The following EDNRB variants were observed in gnomAD, a reference collection of about 807,000 sequenced individuals.
The protein encoded by EDNRB is endothelin receptor type B.
EDNRB carries 18 observed loss-of-function variants against 46.4 expected under a neutral mutation model. The observed-to-expected ratio is 0.39, with a 90% CI of 0.27 to 0.57. The LOEUF (loss-of-function observed/expected upper bound fraction) is 0.57, where lower values mean the gene tolerates loss of function less well. EDNRB is among the 20% of genes least tolerant of loss of function. The pLI, the probability that EDNRB is intolerant of heterozygous loss-of-function variation, is 0.61. For synonymous variants in EDNRB, 213 were observed against 204.9 expected (o/e 1.04, Z -0.34); for missense variants, 434 against 537.5 (o/e 0.81, Z 1.90).
intron 1 of EDNRB, 52 bp from the exon 2 acceptor site, chr13:77,903,659 T>C (rs1424879916): frequency 1.4e-6 from 2 of 1,466,024 alleles, no homozygotes; most frequent in Non-Finnish European, 9.6e-7. Context: ...AGATGCCCTC[T>C]GAATTGTATC....
intron 3 of EDNRB, among the ~76,000 whole-genome samples, chr13:77,901,723 T>C (rs1878996763): frequency 6.6e-6 from 1 of 152,006 alleles, no homozygotes; most frequent in African/African-American, 2.4e-5. Context: ...TCGTATCTCT[T>C]ATTCTTTTTC....
At chr13:77,950,566 G>C (rs1450662856) in intron 1 of EDNRB, among the ~76,000 whole-genome samples, 1 of 152,200 alleles carries the variant, frequency 6.6e-6, no homozygotes. Context: ...CACCTAGTAT[G>C]TCTAGCTCTT....
At chr13:77,940,342 T>C (rs1478004119) in intron 1 of EDNRB, among the ~76,000 whole-genome samples, 1 of 149,706 alleles carries the variant, frequency 6.7e-6, no homozygotes, top group Non-Finnish European at 1.5e-5. Flanking sequence ...TTTTTTTTCA[T>C]AGAGAAGGTG....
intron 3 of EDNRB, 75 bp downstream of exon 3, chr13:77,903,081 G>T: frequency 6.8e-7 from 1 of 1,477,260 alleles, no homozygotes; most frequent in Non-Finnish European, 9.4e-7. Context: ...TTCCCAAGGA[G>T]TGGGGAACAG....
chr13:77,932,174 C>T (rs776732189), intron 1 of EDNRB, among the ~76,000 whole-genome samples: 1 of 152,068 alleles, frequency 6.6e-6, no homozygotes, highest in African/African-American at 2.4e-5. Context: ...TGAAAGAGGG[C>T]ACACATATGA....
chr13:77,954,876 C>T (rs1423608668), intron 1 of EDNRB, among the ~76,000 whole-genome samples: 1 of 152,090 alleles, frequency 6.6e-6, no homozygotes, highest in Non-Finnish European at 1.5e-5. Context: ...TTGTAATGGA[C>T]ATATTTGTTG....
chr13:77,899,476 G>C (rs1878821327), intron 6 of EDNRB: 1 of 198,510 alleles, frequency 5.0e-6, no homozygotes, highest in South Asian at 8.5e-5. Flanking sequence ...AACTAATTTA[G>C]TTATAATAAT....
At chr13:77,946,803 C>T (rs146050511) in intron 1 of EDNRB, among the ~76,000 whole-genome samples, 1 of 152,314 alleles carries the variant, frequency 6.6e-6, no homozygotes, top group Admixed American at 6.5e-5. Context: ...ACAGTTTGTA[C>T]TCCCACCCTC....
rs143714946 is a variant in EDNRB at position 77,944,823 on chromosome 13, G to A, written c.-51-26199C>T. ...AGTTTACCTGCATGTTAGAGGATTA[G>A]TGCTTGCATGTTGAGTAGGAGCCAA... On this transcript the variant is annotated intron_variant, in intron 1 of 7. Transcript: ENST00000646948. 14 of 152,292 alleles carry A rather than the reference G, an allele frequency of 9.2e-5. No homozygotes were observed. The East Asian group carries it at 2.5e-3, about 27-fold the overall frequency. 9.4% of individuals were successfully genotyped at this position (152,292 alleles called of 1,614,324 possible). A position where few individuals can be genotyped will look rare whatever the true frequency, so the allele number is the denominator to read the frequency against.
intron 1 of EDNRB, chr13:77,939,996 A>AAATAAAT (rs1566328709): frequency 1.4e-5 from 2 of 144,442 alleles, no homozygotes; most frequent in Non-Finnish European, 3.1e-5. Context: ...CTCTGTCTCT[A>AAATAAAT]AATAAATAAA....
chr13:77,960,661 T>C (rs1226538104), intron 1 of EDNRB, among the ~76,000 whole-genome samples: 1 of 152,110 alleles, frequency 6.6e-6, no homozygotes, highest in African/African-American at 2.4e-5. Context: ...ATCATCATAA[T>C]TGGCAGGATC....
Position 77,903,306 on chromosome 13 carries a change from C to A in EDNRB, c.651G>T (p.Trp217Cys). ...AAATCAAAACAATTTCTACTGCTGT[C>A]CATTTTGGAACCCCAATTCCTTTAA... ...SRIKGIGVPK[W>C]TAVEIVLIWV... Residue 217 changes from tryptophan (W) to cysteine (C), a missense_variant, in exon 3 of 7, where the codon TGG (tryptophan) becomes TGT (cysteine). Transcript: ENST00000646607. The A allele has an allele frequency of 6.2e-7, 1 of 1,612,862 alleles. No individual in the cohort carries two copies. The highest frequency in any genetic ancestry group is 8.5e-7 in the Non-Finnish European group (1 of 1,179,336).
In EDNRB at chr13:77,949,976, A is replaced by C. The variant is rs118165950; in HGVS notation, c.-52+25371T>G. On this transcript the variant is annotated intron_variant, in intron 1 of 7. Transcript: ENST00000646948. ...TGTCCCTTTGATAGTTCTACTCTGGATCTTGATCTGGAACTGCTATACCTC... is the reference window on the plus strand; with the variant it reads ...TGTCCCTTTGATAGTTCTACTCTGGCTCTTGATCTGGAACTGCTATACCTC... Among the ~76,000 whole-genome samples, 12 of 152,184 alleles carry C rather than the reference A, an allele frequency of 7.9e-5. No homozygotes were observed. The East Asian group carries it at 2.3e-3, about 29-fold the overall frequency.
intron 1 of EDNRB, among the ~76,000 whole-genome samples, chr13:77,925,935 C>G (rs1236323247): frequency 6.6e-6 from 1 of 152,248 alleles, no homozygotes; most frequent in South Asian, 2.1e-4. Flanking sequence ...ACCATGGGAA[C>G]CCACCTCTTG....
intron 1 of EDNRB, among the ~76,000 whole-genome samples, chr13:77,927,172 A>C (rs1880261959): frequency 6.6e-6 from 1 of 152,154 alleles, no homozygotes; most frequent in South Asian, 2.1e-4. Context: ...GTTGTTGTTG[A>C]TTACCTAGTT....
intron 4 of EDNRB, 52 bp from the exon 5 acceptor site, chr13:77,900,706 G>A (rs1026731943): frequency 1.2e-6 from 2 of 1,609,410 alleles, no homozygotes; most frequent in Non-Finnish European, 8.5e-7. Flanking sequence ...TTTACTCATA[G>A]CATTCTATCT....
intron 1 of EDNRB, among the ~76,000 whole-genome samples, chr13:77,973,461 C>T (rs1881796184): frequency 6.6e-6 from 1 of 151,978 alleles, no homozygotes; most frequent in African/African-American, 2.4e-5. Context: ...ACCTGTTATG[C>T]TTTTATTTTA....
At chr13:77,952,536 A>C (rs2137675600) in intron 1 of EDNRB, among the ~76,000 whole-genome samples, 1 of 152,274 alleles carries the variant, frequency 6.6e-6, no homozygotes, top group East Asian at 1.9e-4. Context: ...CCTCATTCAA[A>C]ATGGAGTTGC....
At position 77,900,643 on chromosome 13, in the gene EDNRB, C is replaced by T. The variant is rs1222259711; in HGVS notation, c.963G>A (p.Val321=). The T allele has an allele frequency of 6.2e-7, 1 of 1,612,294 alleles. No individual in the cohort carries two copies. Among genetic ancestry groups the T allele is most frequent in the Admixed American group, 1.7e-5 (1 of 59,798 alleles). Reference sequence around the variant, plus strand: ...GGACCAGGCAAAAGACGGTTTTGGCCACTTCCCGTCTCTGAAATAAATCCA... The same window carrying T: ...GGACCAGGCAAAAGACGGTTTTGGCTACTTCCCGTCTCTGAAATAAATCCA... The part of the protein sequence containing the change: ...LNDHLKQRRE[V]AKTVFCLVLV... Residue 321 remains valine (V), a synonymous_variant, in exon 5 of 7, where the codon GTG becomes GTA. Coordinates refer to ENST00000646607, the MANE Select transcript of EDNRB (RefSeq NM_001122659.3).
Sources: gnomAD v4.1 joint callset for allele counts (sites outside exome capture counted in the v4.1 genomes callset) on GRCh38, gnomAD v4.1.1 for gene constraint, MANE v1.5 for transcripts, NCBI Gene and HGNC (gene_info 2026-07-23, HGNC 2026-07-21) for gene names.